Variants in ALCAM observed in about 807,000 individuals in gnomAD.
The protein encoded by ALCAM is activated leukocyte cell adhesion molecule, also known as CD166 antigen.
A neutral mutation model predicts 70.9 loss-of-function variants in ALCAM; 30 were observed. The observed-to-expected ratio is 0.42, with a 90% CI of 0.32 to 0.57. The LOEUF (loss-of-function observed/expected upper bound fraction) is 0.57, where lower values mean the gene tolerates loss of function less well. Among genes scored for constraint, ALCAM ranks in the 20% least tolerant of loss-of-function variants. The pLI, the probability that ALCAM is intolerant of heterozygous loss-of-function variation, is 0.11. For missense variants in ALCAM, 591 were observed against 695.1 expected, an observed-to-expected ratio of 0.85 and a Z score of 1.68; for synonymous variants, 249 against 242.5, an observed-to-expected ratio of 1.03 and a Z score of -0.25.
At chr3:105,409,280 A>G (rs1296271298) in intron 1 of ALCAM, among the ~76,000 whole-genome samples, 4 of 152,268 alleles carry the variant, frequency 2.6e-5, no homozygotes, top group Middle Eastern at 3.4e-3. Flanking sequence ...AATTGCAAAA[A>G]TATGGGACCA....
chr3:105,521,942 C>CTATTAGTGCCAACAAA (rs1252474930), intron 2 of ALCAM, among the ~76,000 whole-genome samples: 1 of 152,208 alleles, frequency 6.6e-6, no homozygotes, highest in Admixed American at 6.5e-5. Flanking sequence ...AGGACAGAGT[C>CTATTAGTGCCAACAAA]TATTAGTGCC....
intron 1 of ALCAM, among the ~76,000 whole-genome samples, chr3:105,442,780 C>CAAA (rs372141197): frequency 7.2e-6 from 1 of 138,156 alleles, no homozygotes; most frequent in Non-Finnish European, 1.6e-5. Flanking sequence ...GATTCCGTCT[C>CAAA]AAAAAAAAAA....
chr3:105,440,645 A>G (rs1261785136), intron 1 of ALCAM, among the ~76,000 whole-genome samples: 1 of 152,172 alleles, frequency 6.6e-6, no homozygotes, highest in Admixed American at 6.5e-5. Context: ...TATCGCCCAC[A>G]TGCCCTGGGG....
At chr3:105,470,132 TACACACACAC>T (rs35560211) in intron 1 of ALCAM, among the ~76,000 whole-genome samples, 4 of 145,818 alleles carry the variant, frequency 2.7e-5, no homozygotes, top group Admixed American at 6.9e-5. Context: ...GTTATATACA[TACACACACAC>T]ACACACACAC....
At chr3:105,526,447 G>A (rs1462401972) in intron 3 of ALCAM, among the ~76,000 whole-genome samples, 1 of 151,984 alleles carries the variant, frequency 6.6e-6, no homozygotes, top group Non-Finnish European at 1.5e-5. Context: ...CTATTATTGT[G>A]AAAACAAACT....
intron 1 of ALCAM, among the ~76,000 whole-genome samples, chr3:105,482,175 C>T (rs964344906): frequency 5.3e-5 from 8 of 152,102 alleles, no homozygotes; most frequent in Non-Finnish European, 7.4e-5. Context: ...TGCAGTGGCA[C>T]GATCTTTGGT....
rs1198070203 is a variant in ALCAM at position 105,439,883 on chromosome 3, CATT to C, written c.73+72403_73+72405del. On this transcript the variant is annotated intron_variant, in intron 1 of 15. Transcript: ENST00000306107. Reference sequence around the variant, plus strand: ...CAGACACTGTTCTATTTGTTGTTGTCATTGTTGTTACTGTTGTTGATATTTGGC... The same window carrying C: ...CAGACACTGTTCTATTTGTTGTTGTCGTTGTTACTGTTGTTGATATTTGGC... Among the ~76,000 whole-genome samples the C allele has an allele frequency of 3.9e-5, 6 of 152,260 alleles. No individual in the cohort carries two copies. The East Asian group carries it at 9.6e-4, about 24-fold the overall frequency.
rs953687673 is a variant in ALCAM, at chr3:105,525,314, TACTGTGCAAATA to T, written c.394+818_394+829del. On this transcript the variant is annotated intron_variant, in intron 3 of 15. Transcript: ENST00000306107. ...CCTAATGATAGCATATAGTTAATGT[TACTGTGCAAATA>T]ACTGTGCAAATGAATGACTTGAGAA... is the stretch of plus-strand genomic sequence containing the variant. 20 of 981,490 alleles carry T rather than the reference TACTGTGCAAATA, an allele frequency of 2.0e-5. No homozygotes were observed. The African/African-American group carries it at 3.3e-4, about 16-fold the overall frequency. 60.8% of individuals were successfully genotyped at this position (981,490 alleles called of 1,614,324 possible).
chr3:105,399,456 G>T (rs1479192239), intron 1 of ALCAM, among the ~76,000 whole-genome samples: 1 of 151,952 alleles, frequency 6.6e-6, no homozygotes, highest in Non-Finnish European at 1.5e-5. Flanking sequence ...CAAATAACTA[G>T]TTAAAGCAAT....
intron 1 of ALCAM, among the ~76,000 whole-genome samples, chr3:105,370,837 C>T (rs1320505671): frequency 1.3e-5 from 2 of 152,032 alleles, no homozygotes; most frequent in African/African-American, 2.4e-5. Context: ...TAGTGTAACT[C>T]ATCTCTCCTG....
At chr3:105,402,721 C>A (rs1936119352) in intron 1 of ALCAM, among the ~76,000 whole-genome samples, 1 of 152,056 alleles carries the variant, frequency 6.6e-6, no homozygotes, top group Non-Finnish European at 1.5e-5. Flanking sequence ...TCCCCCATGG[C>A]AGCCACAGCA....
chr3:105,428,107 C>G (rs536098211), intron 1 of ALCAM, among the ~76,000 whole-genome samples: 1 of 151,914 alleles, frequency 6.6e-6, no homozygotes, highest in Non-Finnish European at 1.5e-5. Flanking sequence ...CTGGGAGTTG[C>G]TATGTGTTGT....
chr3:105,548,102 G>T (rs953168414), intron 11 of ALCAM, among the ~76,000 whole-genome samples: 6 of 151,438 alleles, frequency 4.0e-5, no homozygotes, highest in Admixed American at 3.3e-4. Flanking sequence ...GAACAAAAGG[G>T]TCATAAACCA....
intron 1 of ALCAM, among the ~76,000 whole-genome samples, chr3:105,452,473 A>G (rs1222108485): frequency 6.6e-6 from 1 of 152,034 alleles, no homozygotes; most frequent in Non-Finnish European, 1.5e-5. Context: ...CAGTCTATCT[A>G]TTGATGGGCA....
chr3:105,442,068 A>G (rs559496186), intron 1 of ALCAM, among the ~76,000 whole-genome samples: 13 of 152,330 alleles, frequency 8.5e-5, no homozygotes, highest in Non-Finnish European at 1.3e-4. Context: ...ATTTCTTTCT[A>G]TATACATTTG....
intron 5 of ALCAM, 113 bp downstream of exon 5, chr3:105,533,803 G>T (rs1939903978): frequency 2.2e-6 from 2 of 920,564 alleles, no homozygotes; most frequent in South Asian, 1.7e-5. Flanking sequence ...ACCAGGAACT[G>T]GTTTCATGGA....
chr3:105,467,992 C>T (rs1209714669), intron 1 of ALCAM, among the ~76,000 whole-genome samples: 5 of 150,550 alleles, frequency 3.3e-5, no homozygotes, highest in Non-Finnish European at 7.4e-5. Flanking sequence ...TGATTTTTGC[C>T]CCATGAAAAA....
intron 8 of ALCAM, among the ~76,000 whole-genome samples, chr3:105,543,569 C>T (rs1423152573): frequency 1.3e-5 from 2 of 151,590 alleles, no homozygotes; most frequent in Non-Finnish European, 3.0e-5. Context: ...GGTAGAGAAG[C>T]GCCAACCCAT....
chr3:105,470,105 ATGTG>A (rs982105413), intron 1 of ALCAM, among the ~76,000 whole-genome samples: 17 of 135,732 alleles, frequency 1.3e-4, no homozygotes, highest in Non-Finnish European at 2.1e-4. Flanking sequence ...ATATACATAT[ATGTG>A]TGTGTATGAT....
Sources: allele counts gnomAD v4.1 joint callset (sites outside exome capture counted in the v4.1 genomes callset), GRCh38; gene constraint gnomAD v4.1.1; transcripts MANE v1.5; gene names NCBI Gene and HGNC (gene_info 2026-07-23, HGNC 2026-07-21).